MAGI1: variants seen among roughly 807,000 people sequenced by gnomAD.
The protein encoded by MAGI1 is membrane-associated guanylate kinase, WW and PDZ domain-containing protein 1.
Under a neutral mutation model 139.9 loss-of-function variants are expected in MAGI1, and 58 were observed. The ratio of observed to expected loss-of-function variants is 0.41; its 90% confidence interval spans 0.34 to 0.52. The LOEUF (loss-of-function observed/expected upper bound fraction) is 0.52, where lower values mean the gene tolerates loss of function less well. Among genes scored for constraint, MAGI1 ranks in the 20% least tolerant of loss-of-function variants. The probability of loss-of-function intolerance (pLI) is 0.12; values close to 1 mark genes in which losing one functional copy is unlikely to be tolerated. For synonymous variants in MAGI1, 812 were observed against 737.9 expected, an observed-to-expected ratio of 1.10 and a Z score of -1.63; for missense variants, 1,874 against 1,901.6, an observed-to-expected ratio of 0.99 and a Z score of 0.27.
intron 1 of MAGI1, among the ~76,000 whole-genome samples, chr3:65,666,219 T>G (rs1430227792): frequency 6.6e-6 from 1 of 152,206 alleles, no homozygotes; most frequent in Non-Finnish European, 1.5e-5. Context: ...TTTCCATGTG[T>G]GTGTGTGCAT....
intron 1 of MAGI1, chr3:65,873,619 C>T (rs2060012070): frequency 6.6e-6 from 1 of 152,166 alleles, no homozygotes; most frequent in African/African-American, 2.4e-5. Flanking sequence ...CATTATTACA[C>T]TTTGTGGGAG....
At chr3:65,634,145 G>C (rs1384301581) in intron 1 of MAGI1, among the ~76,000 whole-genome samples, 1 of 152,126 alleles carries the variant, frequency 6.6e-6, no homozygotes, top group Non-Finnish European at 1.5e-5. Context: ...CATCACCCAG[G>C]TAGCAAGCAA....
intron 1 of MAGI1, among the ~76,000 whole-genome samples, chr3:65,837,882 C>A (rs1247834070): frequency 4.6e-5 from 7 of 152,056 alleles, no homozygotes. Flanking sequence ...GTTTGACCAA[C>A]CCATGAAGGT....
intron 1 of MAGI1, among the ~76,000 whole-genome samples, chr3:65,656,404 C>G (rs1429360275): frequency 6.6e-6 from 1 of 152,116 alleles, no homozygotes; most frequent in Non-Finnish European, 1.5e-5. Flanking sequence ...TTCAAAGTGT[C>G]TCAGATTAAA....
chr3:65,652,096 G>C (rs925355322), intron 1 of MAGI1, among the ~76,000 whole-genome samples: 1 of 152,068 alleles, frequency 6.6e-6, no homozygotes, highest in African/African-American at 2.4e-5. Flanking sequence ...AATGAGAAAT[G>C]GTTAAAATGA....
intron 2 of MAGI1, among the ~76,000 whole-genome samples, chr3:65,547,361 T>C: frequency 6.6e-6 from 1 of 152,220 alleles, no homozygotes; most frequent in East Asian, 1.9e-4. Flanking sequence ...TCTAAATACA[T>C]CTGATAATAT....
chr3:65,598,991 G>A (rs906044014), intron 2 of MAGI1, among the ~76,000 whole-genome samples: 7 of 152,196 alleles, frequency 4.6e-5, no homozygotes, highest in Admixed American at 1.3e-4. Context: ...AAGAAAGGAC[G>A]CTATCCACTG....
At chr3:65,584,374 A>T (rs1434021441) in intron 2 of MAGI1, among the ~76,000 whole-genome samples, 1 of 152,148 alleles carries the variant, frequency 6.6e-6, no homozygotes, top group Admixed American at 6.5e-5. Flanking sequence ...GAAAGAAAAA[A>T]ACCAGACTAC....
At chr3:65,934,107 A>G (rs973650432) in intron 1 of MAGI1, among the ~76,000 whole-genome samples, 1 of 152,200 alleles carries the variant, frequency 6.6e-6, no homozygotes, top group African/African-American at 2.4e-5. Flanking sequence ...GGCACGACAG[A>G]GCGAGACTCT....
chr3:65,847,475 A>G (rs2059045575), intron 1 of MAGI1, among the ~76,000 whole-genome samples: 1 of 152,188 alleles, frequency 6.6e-6, no homozygotes, highest in Non-Finnish European at 1.5e-5. Context: ...AGAAATCTTT[A>G]ATTTCATATT....
At chr3:65,918,726 T>C (rs1027390639) in intron 1 of MAGI1, among the ~76,000 whole-genome samples, 1 of 152,120 alleles carries the variant, frequency 6.6e-6, no homozygotes, top group African/African-American at 2.4e-5. Context: ...ATGAGTTGTT[T>C]TCATCCTATT....
At chr3:65,443,082 A>G (rs1487896968) in intron 7 of MAGI1, among the ~76,000 whole-genome samples, 1 of 152,198 alleles carries the variant, frequency 6.6e-6, no homozygotes, top group Non-Finnish European at 1.5e-5. Context: ...ATAAAACTTA[A>G]CAAAATGCAG....
intron 13 of MAGI1, among the ~76,000 whole-genome samples, chr3:65,395,695 G>C (rs1366522503): frequency 1.5e-5 from 2 of 135,216 alleles, no homozygotes; most frequent in African/African-American, 5.5e-5. Context: ...GAACAAAAAA[G>C]CTAATGTGAC....
chr3:65,864,265 T>G (rs2059647191), intron 1 of MAGI1, among the ~76,000 whole-genome samples: 1 of 152,164 alleles, frequency 6.6e-6, no homozygotes, highest in Non-Finnish European at 1.5e-5. Context: ...TTTGGAAGAT[T>G]CTTCACCAAA....
intron 1 of MAGI1, among the ~76,000 whole-genome samples, chr3:66,005,325 G>A (rs188021401): frequency 3.2e-4 from 48 of 152,232 alleles, no homozygotes; most frequent in Non-Finnish European, 5.6e-4. Flanking sequence ...TGCAATGAGT[G>A]GCCCATATCT....
At chr3:65,619,937 G>A (rs1464158841) in intron 2 of MAGI1, 20 of 985,172 alleles carry the variant, frequency 2.0e-5, no homozygotes, top group Non-Finnish European at 2.2e-5. Flanking sequence ...CAATGCCAAG[G>A]GGCTTTATAC....
intron 13 of MAGI1, among the ~76,000 whole-genome samples, chr3:65,394,758 C>T (rs2107032818): frequency 6.6e-6 from 1 of 152,050 alleles, no homozygotes; most frequent in Non-Finnish European, 1.5e-5. Context: ...CAGAACTGTC[C>T]AGGAGAAAAA....
chr3:66,001,966 G>A lies in MAGI1; in HGVS notation c.313+36030C>T, dbSNP rs954710043. The stretch of plus-strand genomic sequence containing the variant: ...GCCTCAGTACTTGTTCCCAAAGCAA[G>A]CTCAGGTTTGATCAACCACTTCCCG... On this transcript the variant is annotated intron_variant, in intron 1 of 22. Transcript: ENST00000402939. 3.3e-5 allele frequency among the ~76,000 whole-genome samples: 5 copies of A among 152,128 alleles called. No individual in the cohort carries two copies. In the East Asian group the frequency reaches 5.8e-4, roughly 18 times the overall value.
chr3:65,761,072 G>A (rs2036986257), intron 1 of MAGI1, among the ~76,000 whole-genome samples: 1 of 152,192 alleles, frequency 6.6e-6, no homozygotes, highest in African/African-American at 2.4e-5. Flanking sequence ...GATATCTGAG[G>A]ATGAAAGAAG....
Sources: gnomAD v4.1 joint callset for allele counts (sites outside exome capture counted in the v4.1 genomes callset) on GRCh38, gnomAD v4.1.1 for gene constraint, MANE v1.5 for transcripts, NCBI Gene and HGNC (gene_info 2026-07-23, HGNC 2026-07-21) for gene names.